The following XPNPEP3 variants were observed in gnomAD, a reference collection of about 807,000 sequenced individuals.
The protein encoded by XPNPEP3 is xaa-Pro aminopeptidase 3.
A neutral mutation model predicts 60.0 loss-of-function variants in XPNPEP3; 41 were observed. The observed-to-expected ratio is 0.68, with a 90% confidence interval of 0.53 to 0.89. XPNPEP3 has a LOEUF of 0.89. Among genes scored for constraint, XPNPEP3 ranks in the 40% least tolerant of loss-of-function variants. XPNPEP3 has a pLI of 0.00. For synonymous variants in XPNPEP3, 212 were observed against 223.2 expected, an observed-to-expected ratio of 0.95 and a Z score of 0.45; for missense variants, 598 against 638.9, an observed-to-expected ratio of 0.94 and a Z score of 0.69.
chr22:40,887,551 AG>A (rs2058074099), intron 4 of XPNPEP3, among the ~76,000 whole-genome samples: 1 of 152,176 alleles, frequency 6.6e-6, no homozygotes, highest in Non-Finnish European at 1.5e-5. Flanking sequence ...ACAGTGAAAG[AG>A]GGCCTTTTTA....
chr22:40,882,242 T>G, intron 3 of XPNPEP3, 65 bp downstream of exon 3: 1 of 1,567,532 alleles, frequency 6.4e-7, no homozygotes. Flanking sequence ...CTTGCCTGTT[T>G]AGACAAGTCC....
At chr22:40,880,990 C>T (rs2058045577) in intron 2 of XPNPEP3, among the ~76,000 whole-genome samples, 1 of 151,982 alleles carries the variant, frequency 6.6e-6, no homozygotes, top group Non-Finnish European at 1.5e-5. Flanking sequence ...TTTTAAAATG[C>T]ATTGTGGTGA....
rs764558082 is a variant in XPNPEP3, at chr22:40,909,240, G to A, written c.969+5G>A. ...AAAAATAATCAACTCATCAAGGTAC[G>A]TGAGATGCCCTCAGTGCTACTCCCA... is the stretch of plus-strand genomic sequence containing the variant. On this transcript the variant is annotated splice_donor_5th_base_variant and intron_variant, in intron 6 of 9. Transcript: ENST00000357137. 6.2e-6 allele frequency: 10 copies of A among 1,611,756 alleles called. No homozygotes were observed. The highest frequency in any genetic ancestry group is 1.7e-5 in the Admixed American group (1 of 60,006).
intron 4 of XPNPEP3, among the ~76,000 whole-genome samples, chr22:40,896,360 T>C (rs2058108035): frequency 6.6e-6 from 1 of 151,996 alleles, no homozygotes; most frequent in South Asian, 2.1e-4. Flanking sequence ...CGTGGTGAGA[T>C]GCATATAAAA....
At chr22:40,922,613 T>A in intron 8 of XPNPEP3, 100 bp downstream of exon 8, 1 of 1,397,348 alleles carries the variant, frequency 7.2e-7, no homozygotes, top group Non-Finnish European at 1.0e-6. Flanking sequence ...GGGACAGATG[T>A]AGTGATTCAT....
At chr22:40,919,545 TG>T (rs768853307) in intron 7 of XPNPEP3, among the ~76,000 whole-genome samples, 1 of 152,218 alleles carries the variant, frequency 6.6e-6, no homozygotes, top group Non-Finnish European at 1.5e-5. Flanking sequence ...TTTGTTTTTT[TG>T]TAGAGACACG....
intron 9 of XPNPEP3, among the ~76,000 whole-genome samples, chr22:40,925,826 G>T (rs910638077): frequency 6.6e-6 from 1 of 152,160 alleles, no homozygotes; most frequent in African/African-American, 2.4e-5. Flanking sequence ...TTTGAATACA[G>T]TTTAAATATA....
At chr22:40,908,024 G>A (rs2058162836) in intron 5 of XPNPEP3, among the ~76,000 whole-genome samples, 2 of 152,160 alleles carry the variant, frequency 1.3e-5, no homozygotes, top group Non-Finnish European at 2.9e-5. Context: ...GACCAGCCTG[G>A]CCAACGTGGC....
At chr22:40,895,716 A>C (rs1025464506) in intron 4 of XPNPEP3, among the ~76,000 whole-genome samples, 3 of 152,172 alleles carry the variant, frequency 2.0e-5, no homozygotes, top group African/African-American at 7.2e-5. Flanking sequence ...CACATTAAAA[A>C]TCTGATGCTT....
intron 1 of XPNPEP3, chr22:40,861,603 T>C (rs778795048): frequency 6.2e-6 from 10 of 1,612,972 alleles, no homozygotes; most frequent in Non-Finnish European, 7.6e-6. Context: ...TGCATCTCTG[T>C]TTCTGTTTCC....
At chr22:40,861,606 C>T in intron 1 of XPNPEP3, 1 of 1,612,940 alleles carries the variant, frequency 6.2e-7, no homozygotes, top group Non-Finnish European at 8.5e-7. Context: ...ATCTCTGTTT[C>T]TGTTTCCATA....
chr22:40,918,498 C>G (rs892352330), intron 7 of XPNPEP3, among the ~76,000 whole-genome samples: 3 of 151,880 alleles, frequency 2.0e-5, no homozygotes, highest in Non-Finnish European at 4.4e-5. Flanking sequence ...ATGGTGAAAC[C>G]CTGTCTCTAC....
chr22:40,894,685 C>G (rs904099099), intron 4 of XPNPEP3, among the ~76,000 whole-genome samples: 1 of 152,182 alleles, frequency 6.6e-6, no homozygotes, highest in Non-Finnish European at 1.5e-5. Flanking sequence ...GTTCCTCCAC[C>G]CATTTCATAG....
rs2145781045 is a variant in XPNPEP3, at chr22:40,876,969, A to C, written c.182-4801A>C. ...AACAAAGGTAACCTACAGCTCAGTC[A>C]AGATACAGAACATTTCCATCGTCCT... On this transcript the variant is annotated intron_variant, in intron 2 of 9. Transcript: ENST00000357137. Among the ~76,000 whole-genome samples the C allele has an allele frequency of 2.0e-5, 3 of 152,318 alleles. No individual in the cohort carries two copies. The East Asian group carries it at 5.8e-4, about 29-fold the overall frequency.
intron 1 of XPNPEP3, chr22:40,862,012 G>GTTGCTTGCATTATAATAGAATAC (rs1463216597): frequency 6.4e-7 from 1 of 1,567,342 alleles, no homozygotes; most frequent in African/African-American, 1.4e-5. Context: ...CAGATAGTTG[G>GTTGCTTGCATTATAATAGAATAC]AAGTGGGTGT....
intron 3 of XPNPEP3, among the ~76,000 whole-genome samples, chr22:40,883,956 A>G (rs1024358255): frequency 2.0e-5 from 3 of 152,194 alleles, no homozygotes; most frequent in Admixed American, 6.5e-5. Context: ...TGGGTTACAA[A>G]TCATATCTGA....
At chr22:40,920,326 C>T (rs1226361345) in intron 7 of XPNPEP3, among the ~76,000 whole-genome samples, 2 of 152,016 alleles carry the variant, frequency 1.3e-5, no homozygotes, top group Non-Finnish European at 1.5e-5. Flanking sequence ...GCCGAGATCG[C>T]ACCACTTCAC....
At chr22:40,893,221 T>C (rs1425750437) in intron 4 of XPNPEP3, among the ~76,000 whole-genome samples, 1 of 149,542 alleles carries the variant, frequency 6.7e-6, no homozygotes, top group East Asian at 1.9e-4. Flanking sequence ...TCCTTTTTAA[T>C]AGATACATCT....
intron 4 of XPNPEP3, among the ~76,000 whole-genome samples, chr22:40,887,136 A>G (rs1357927750): frequency 2.0e-5 from 3 of 152,186 alleles, no homozygotes; most frequent in Non-Finnish European, 4.4e-5. Flanking sequence ...GTTTGGTTCT[A>G]AGAAAGACTC....
Sources: allele counts gnomAD v4.1 joint callset (sites outside exome capture counted in the v4.1 genomes callset), GRCh38; gene constraint gnomAD v4.1.1; transcripts MANE v1.5; gene names NCBI Gene and HGNC (gene_info 2026-07-23, HGNC 2026-07-21).